The following FRMD4A variants were observed in gnomAD, a reference collection of about 807,000 sequenced individuals.
The protein encoded by FRMD4A is FERM domain containing 4A, also known as FERM domain-containing protein 4A.
A neutral mutation model predicts 129.1 loss-of-function variants in FRMD4A; 29 were observed. The ratio of observed to expected loss-of-function variants is 0.22; its 90% CI spans 0.17 to 0.31. The LOEUF is 0.31. Ranked by LOEUF, FRMD4A falls within the 10% of genes least tolerant of loss-of-function variation. The pLI is 1.00. For synonymous variants in FRMD4A, 634 were observed against 571.6 expected, an observed-to-expected ratio of 1.11 and a Z score of -1.56; for missense variants, 1,272 against 1,375.8, an observed-to-expected ratio of 0.92 and a Z score of 1.19.
At chr10:13,965,380 T>A (rs998513916) in intron 2 of FRMD4A, among the ~76,000 whole-genome samples, 1 of 152,150 alleles carries the variant, frequency 6.6e-6, no homozygotes, top group Non-Finnish European at 1.5e-5. Context: ...TGTGGAGGAA[T>A]CTCCCAATCC....
chr10:13,795,231 G>A (rs2093088246), intron 5 of FRMD4A, among the ~76,000 whole-genome samples: 1 of 152,160 alleles, frequency 6.6e-6, no homozygotes, highest in Non-Finnish European at 1.5e-5. Flanking sequence ...GTTACTATTT[G>A]CTTTATATGG....
At chr10:13,712,273 A>G (rs530433482) in intron 12 of FRMD4A, among the ~76,000 whole-genome samples, 24 of 152,326 alleles carry the variant, frequency 1.6e-4, no homozygotes, top group Admixed American at 1.6e-3. Context: ...TGTAATCCCA[A>G]CACTTTGGGA....
At chr10:13,747,693 C>T (rs749105317) in intron 9 of FRMD4A, 43 bp downstream of exon 9, 11 of 1,060,460 alleles carry the variant, frequency 1.0e-5, no homozygotes, top group Non-Finnish European at 1.6e-5. Context: ...CCCCTCGCAC[C>T]CCGAGAGGGA....
At chr10:13,937,222 C>G (rs949438878) in intron 2 of FRMD4A, among the ~76,000 whole-genome samples, 2 of 152,186 alleles carry the variant, frequency 1.3e-5, no homozygotes, top group African/African-American at 4.8e-5. Context: ...AATAACACTC[C>G]TTCAATAACA....
intron 2 of FRMD4A, among the ~76,000 whole-genome samples, chr10:14,052,592 C>T (rs984279231): frequency 2.0e-5 from 3 of 152,140 alleles, no homozygotes; most frequent in African/African-American, 7.2e-5. Flanking sequence ...GAGTCTCACT[C>T]TGGTCACCCA....
chr10:13,793,000 A>T (rs1030266188), intron 5 of FRMD4A, among the ~76,000 whole-genome samples: 1 of 152,172 alleles, frequency 6.6e-6, no homozygotes, highest in African/African-American at 2.4e-5. Context: ...TGTTGAATGG[A>T]GGTGATGATT....
chr10:14,136,824 C>T (rs906396636), intron 2 of FRMD4A, among the ~76,000 whole-genome samples: 7 of 152,198 alleles, frequency 4.6e-5, no homozygotes, highest in Admixed American at 2.6e-4. Context: ...ATCAGGACCT[C>T]CTGAGGTTGT....
rs140011101 is a variant in FRMD4A, at chr10:13,894,815, C to T, written c.46-35903G>A. 3.2e-3 allele frequency among the ~76,000 whole-genome samples: 484 copies of T among 152,272 alleles called. 7 individuals are homozygous for T. Among genetic ancestry groups the T allele is most frequent in the Admixed American group, 0.023 (346 of 15,290 alleles). On this transcript the variant is annotated intron_variant, in intron 2 of 24. Coordinates refer to ENST00000357447, the MANE Select transcript of FRMD4A (RefSeq NM_018027.5). The stretch of plus-strand genomic sequence containing the variant: ...CATCCTGTTTATTTTTTTCTTAACA[C>T]TTAGCCACCATCAGGATTCACAGAC...
chr10:13,909,364 G>C (rs2094917140), intron 2 of FRMD4A, among the ~76,000 whole-genome samples: 1 of 152,196 alleles, frequency 6.6e-6, no homozygotes, highest in African/African-American at 2.4e-5. Context: ...CCAATTTGCT[G>C]TCTGAAGTAA....
chr10:14,283,599 T>A (rs551615966), intron 2 of FRMD4A, among the ~76,000 whole-genome samples: 1 of 152,216 alleles, frequency 6.6e-6, no homozygotes, highest in South Asian at 2.1e-4. Context: ...AATTCTGGAG[T>A]ATTTATTTTC....
In FRMD4A at chr10:13,887,002, C is replaced by T. The variant is rs112919306; in HGVS notation, c.46-28090G>A. 5.9e-3 allele frequency among the ~76,000 whole-genome samples: 894 copies of T among 152,266 alleles called. 7 individuals are homozygous for T. The highest frequency in any genetic ancestry group is 0.02 in the African/African-American group (842 of 41,554). On this transcript the variant is annotated intron_variant, in intron 2 of 24. Transcript: ENST00000357447. ...AAAGGGTATGGATGTACCAATGCTC[C>T]TGACCACAGACAACACGTTTCTTCT... is the stretch of plus-strand genomic sequence containing the variant.
intron 2 of FRMD4A, among the ~76,000 whole-genome samples, chr10:13,901,352 C>T (rs1369587611): frequency 6.6e-6 from 1 of 152,150 alleles, no homozygotes; most frequent in African/African-American, 2.4e-5. Context: ...CCTGTAATCC[C>T]AGCACTTTGG....
intron 2 of FRMD4A, among the ~76,000 whole-genome samples, chr10:14,232,680 T>TTGCAATTG (rs1292313739): frequency 6.6e-6 from 1 of 152,216 alleles, no homozygotes; most frequent in African/African-American, 2.4e-5. Context: ...TATTCTTTTA[T>TTGCAATTG]TGCAATTGTG....
intron 22 of FRMD4A, chr10:13,655,455 A>G (rs547003638): frequency 6.6e-6 from 1 of 152,320 alleles, no homozygotes; most frequent in South Asian, 2.1e-4. Flanking sequence ...CAGATGAAGA[A>G]GGAACATAAA....
chr10:13,709,032 G>A (rs569121646), intron 12 of FRMD4A, among the ~76,000 whole-genome samples: 23 of 151,938 alleles, frequency 1.5e-4, no homozygotes, highest in Non-Finnish European at 2.8e-4. Context: ...TCACGATCTC[G>A]GCTCACTGCA....
Position 13,666,118 on chromosome 10 carries a change from T to C in FRMD4A, c.1582A>G (p.Arg528Gly). 6.2e-7 allele frequency: 1 copy of C among 1,610,738 alleles called. No homozygotes were observed. Among genetic ancestry groups the C allele is most frequent in the Non-Finnish European group, 8.5e-7 (1 of 1,176,880 alleles). Residue 528 changes from arginine (R) to glycine (G), a missense_variant, in exon 18 of 25, where the codon AGG becomes GGG. By Grantham distance (125) the Arg-to-Gly change is moderately radical. Around this residue, in one of 2 missense-constraint regions of FRMD4A, gnomAD observed 972 missense variants for 892.3 expected, o/e 1.09. Transcript: ENST00000357447. The stretch of plus-strand genomic sequence containing the variant: ...TGACCGTCTATGATCAGCGAAGCCC[T>C]CTGGGTGGGTTTCTTCCCAGACTTG... The part of the protein sequence containing the change: ...RIKSGKKPTQ[R>G]ASLIIDDGNI...
rs1234694223 is a variant in FRMD4A, at chr10:14,109,710, G to A, written c.45+220348C>T. On this transcript the variant is annotated intron_variant, in intron 2 of 24. Coordinates refer to ENST00000357447, the MANE Select transcript of FRMD4A (RefSeq NM_018027.5). ...GCTTTGACCAGGTTCGGTGGCTCAC[G>A]CTTGTAATCTCAGCACTTTGGGAGG... Among the ~76,000 whole-genome samples, 3 of 152,072 alleles carry A rather than the reference G, an allele frequency of 2.0e-5. No individual in the cohort carries two copies. The South Asian group carries it at 6.2e-4, about 32-fold the overall frequency.
At chr10:14,032,727 C>T (rs780701008) in intron 2 of FRMD4A, among the ~76,000 whole-genome samples, 9 of 152,230 alleles carry the variant, frequency 5.9e-5, no homozygotes, top group Non-Finnish European at 1.2e-4. Flanking sequence ...CAGACACCAG[C>T]ATGGCATCCC....
chr10:13,720,973 C>T lies in FRMD4A; in HGVS notation c.760-13860G>A, dbSNP rs188902270. Among the ~76,000 whole-genome samples the T allele has an allele frequency of 6.6e-5, 10 of 152,260 alleles. No homozygotes were observed. The South Asian group carries it at 1.5e-3, about 22-fold the overall frequency. On this transcript the variant is annotated intron_variant, in intron 12 of 24. Coordinates refer to ENST00000357447, the MANE Select transcript of FRMD4A (RefSeq NM_018027.5). ...TTCTCTAAGTGAAAGAAGCCAGACA[C>T]GAATGGCCACATACCATATGGTTCC... is the stretch of plus-strand genomic sequence containing the variant.
Sources: allele counts gnomAD v4.1 joint callset (sites outside exome capture counted in the v4.1 genomes callset), GRCh38; gene constraint gnomAD v4.1.1; regional missense constraint gnomAD v4.1.1; transcripts MANE v1.5; gene names NCBI Gene and HGNC (gene_info 2026-07-23, HGNC 2026-07-21).